FHIT: variants seen among roughly 807,000 people sequenced by gnomAD.
FHIT encodes bis(5'-adenosyl)-triphosphatase.
Under a neutral mutation model 17.9 loss-of-function variants are expected in FHIT, and 19 were observed. The ratio of observed to expected loss-of-function variants is 1.06; its 90% CI spans 0.74 to 1.56. The LOEUF (loss-of-function observed/expected upper bound fraction) is 1.56, where lower values mean the gene tolerates loss of function less well. FHIT is among the 40% of genes most tolerant of loss of function. The pLI is 0.00. For missense variants in FHIT, 248 were observed against 189.2 expected, an observed-to-expected ratio of 1.31 and a Z score of -1.82; for synonymous variants, 81 against 69.7, an observed-to-expected ratio of 1.16 and a Z score of -0.81.
intron 5 of FHIT, among the ~76,000 whole-genome samples, chr3:60,319,462 A>AG (rs1454515186): frequency 6.6e-6 from 1 of 152,212 alleles, no homozygotes; most frequent in South Asian, 2.1e-4. Context: ...AAAAAAAAAA[A>AG]CAACGAACAG....
chr3:60,444,991 C>T (rs1419211349), intron 5 of FHIT, among the ~76,000 whole-genome samples: 1 of 152,010 alleles, frequency 6.6e-6, no homozygotes, highest in Non-Finnish European at 1.5e-5. Flanking sequence ...GATTGAAAAG[C>T]GATGAAAGGA....
At chr3:60,306,445 C>A (rs1013532120) in intron 5 of FHIT, among the ~76,000 whole-genome samples, 2 of 152,144 alleles carry the variant, frequency 1.3e-5, no homozygotes, top group African/African-American at 4.8e-5. Context: ...AAATACTTAA[C>A]CCAGTCTGTA....
chr3:60,796,317 T>G (rs993874001), intron 4 of FHIT, among the ~76,000 whole-genome samples: 4 of 152,350 alleles, frequency 2.6e-5, no homozygotes, highest in Admixed American at 1.3e-4. Context: ...AATTTCTTAT[T>G]TTTATCTTTA....
intron 8 of FHIT, among the ~76,000 whole-genome samples, chr3:59,835,914 T>G (rs903055854): frequency 6.6e-6 from 1 of 152,136 alleles, no homozygotes; most frequent in Admixed American, 6.6e-5. Flanking sequence ...GGAGCCCTAG[T>G]CGCTTAAGAG....
At chr3:59,929,804 C>T (rs947925374) in intron 7 of FHIT, among the ~76,000 whole-genome samples, 2 of 151,440 alleles carry the variant, frequency 1.3e-5, no homozygotes, top group Non-Finnish European at 2.9e-5. Context: ...GTTAATCTCA[C>T]TACCAAGCAA....
intron 5 of FHIT, among the ~76,000 whole-genome samples, chr3:60,044,164 A>T (rs576239957): frequency 1.3e-5 from 2 of 152,208 alleles, no homozygotes; most frequent in Non-Finnish European, 2.9e-5. Flanking sequence ...ACAGCCAAGT[A>T]AAACCCTAAA....
At chr3:59,911,339 C>T (rs149698549) in intron 8 of FHIT, among the ~76,000 whole-genome samples, 55 of 152,216 alleles carry the variant, frequency 3.6e-4, no homozygotes, top group Non-Finnish European at 6.5e-4. Flanking sequence ...GCATTTTGAA[C>T]GTAGAGGGGA....
chr3:60,921,487 A>T (rs559899432), intron 3 of FHIT, among the ~76,000 whole-genome samples: 2 of 152,228 alleles, frequency 1.3e-5, no homozygotes, highest in Non-Finnish European at 2.9e-5. Flanking sequence ...TTCTCTGCTG[A>T]GAATAGACAG....
intron 5 of FHIT, among the ~76,000 whole-genome samples, chr3:60,171,473 A>T (rs73831948): frequency 0.01 from 1,597 of 152,280 alleles, 22 homozygotes; most frequent in African/African-American, 0.037. Context: ...TTCAAAGAAG[A>T]TGACTAATTG....
intron 3 of FHIT, among the ~76,000 whole-genome samples, chr3:61,019,400 C>A (rs1043525076): frequency 2.6e-4 from 39 of 152,092 alleles, no homozygotes; most frequent in African/African-American, 9.2e-4. Flanking sequence ...CTGGTAGGGG[C>A]ATGCAACAGG....
intron 4 of FHIT, among the ~76,000 whole-genome samples, chr3:60,561,635 A>G (rs912167172): frequency 1.3e-5 from 2 of 152,174 alleles, no homozygotes; most frequent in East Asian, 3.9e-4. Flanking sequence ...AAGGCAACTC[A>G]GTGACTGAGC....
chr3:59,981,756 T>C (rs1048187261), intron 7 of FHIT, among the ~76,000 whole-genome samples: 26 of 152,186 alleles, frequency 1.7e-4, no homozygotes, highest in Non-Finnish European at 3.1e-4. Flanking sequence ...TAATGTGAAA[T>C]GAGGCAAATA....
At chr3:59,755,978 C>T (rs906969120) in intron 8 of FHIT, among the ~76,000 whole-genome samples, 1 of 152,142 alleles carries the variant, frequency 6.6e-6, no homozygotes, top group Non-Finnish European at 1.5e-5. Flanking sequence ...CAGTTTTCCC[C>T]TTTGTAAAAT....
At chr3:60,806,396 C>T (rs897409594) in intron 4 of FHIT, among the ~76,000 whole-genome samples, 3 of 152,180 alleles carry the variant, frequency 2.0e-5, no homozygotes, top group Non-Finnish European at 4.4e-5. Flanking sequence ...CTTTTGAAGG[C>T]GGACCTGCAG....
At position 61,069,535 on chromosome 3, in the gene FHIT, C is replaced by G. The variant is rs564573451; in HGVS notation, c.-163-27436G>C. Among the ~76,000 whole-genome samples the G allele has an allele frequency of 3.9e-5, 6 of 152,226 alleles. No homozygotes were observed. The South Asian group carries it at 1.2e-3, about 32-fold the overall frequency. ...TCTATTAGCATATGTAGTTACTAACCAGAGTCAGTAAACTAGGTATTGTTC... is the reference window on the plus strand; with the variant it reads ...TCTATTAGCATATGTAGTTACTAACGAGAGTCAGTAAACTAGGTATTGTTC... On this transcript the variant is annotated intron_variant, in intron 2 of 9. Coordinates refer to ENST00000492590, the MANE Select transcript of FHIT (RefSeq NM_002012.4).
chr3:60,102,894 T>C (rs1704252876), intron 5 of FHIT, among the ~76,000 whole-genome samples: 1 of 152,202 alleles, frequency 6.6e-6, no homozygotes, highest in African/African-American at 2.4e-5. Context: ...ATTATAGATT[T>C]GGTGCATTTA....
intron 5 of FHIT, among the ~76,000 whole-genome samples, chr3:60,157,090 ATAT>A (rs1393034170): frequency 3.9e-5 from 6 of 152,148 alleles, no homozygotes; most frequent in Non-Finnish European, 8.8e-5. Flanking sequence ...TGATTTATAA[ATAT>A]TTTTTATTTA....
At chr3:60,166,588 G>A (rs1001284521) in intron 5 of FHIT, among the ~76,000 whole-genome samples, 2 of 152,096 alleles carry the variant, frequency 1.3e-5, no homozygotes, top group African/African-American at 4.8e-5. Context: ...CAGGCTTAAG[G>A]CTACACAAAG....
At chr3:60,910,786 A>C (rs1706702986) in intron 3 of FHIT, among the ~76,000 whole-genome samples, 1 of 152,062 alleles carries the variant, frequency 6.6e-6, no homozygotes, top group African/African-American at 2.4e-5. Context: ...AAACTGTATG[A>C]GCTTTGGGCC....
Sources: gnomAD v4.1 joint callset for allele counts (sites outside exome capture counted in the v4.1 genomes callset) on GRCh38, gnomAD v4.1.1 for gene constraint, MANE v1.5 for transcripts, NCBI Gene and HGNC (gene_info 2026-07-23, HGNC 2026-07-21) for gene names.